Variants in NDST3 observed in about 807,000 individuals in gnomAD.
NDST3 encodes bifunctional heparan sulfate N-deacetylase/N-sulfotransferase 3.
In NDST3, 58 loss-of-function variants were observed where a neutral mutation model predicts 96.1. That is an observed-to-expected ratio of 0.60 (90% CI 0.49 to 0.75). NDST3 has a LOEUF of 0.75. NDST3 is among the 30% of genes least tolerant of loss of function. NDST3 has a pLI of 0.00. For synonymous variants in NDST3, 333 were observed against 359.7 expected (o/e 0.93, Z 0.84); for missense variants, 788 against 1,034.2 (o/e 0.76, Z 3.27).
chr4:118,054,189 A>T lies in NDST3; in HGVS notation c.279A>T (p.Gln93His), dbSNP rs773055511. Residue 93 changes from glutamine to histidine, a missense_variant, in exon 2 of 14, where the codon CAA (glutamine) becomes CAT (histidine). Physicochemically the swap from Gln to His is conservative, Grantham distance 24. Coordinates refer to ENST00000296499, the MANE Select transcript of NDST3 (RefSeq NM_004784.3). ...AGAGCCAGTACTCATCTCTTGGTCA[A>T]GACATCATTATGATTCTAGAATCAA... Reference protein sequence around the residue: ...FVESQYSSLGQDIIMILESSR... With the variant: ...FVESQYSSLGHDIIMILESSR... 1 of 1,613,156 alleles carries T rather than the reference A, an allele frequency of 6.2e-7. No individual in the cohort carries two copies.
At chr4:118,213,068 T>C (rs1738912234) in intron 6 of NDST3, among the ~76,000 whole-genome samples, 1 of 152,350 alleles carries the variant, frequency 6.6e-6, no homozygotes, top group Middle Eastern at 3.4e-3. Context: ...GGTTTCTTTT[T>C]CATCTGCAGT....
At chr4:118,220,015 T>C (rs1230428181) in intron 6 of NDST3, among the ~76,000 whole-genome samples, 1 of 152,026 alleles carries the variant, frequency 6.6e-6, no homozygotes, top group Non-Finnish European at 1.5e-5. Flanking sequence ...TTTACACTGT[T>C]GGTAGGAATG....
intron 2 of NDST3, among the ~76,000 whole-genome samples, chr4:118,077,690 C>G (rs902201059): frequency 6.6e-6 from 1 of 152,240 alleles, no homozygotes; most frequent in Non-Finnish European, 1.5e-5. Flanking sequence ...CATCTCATCT[C>G]TCTCAGTGAT....
intron 6 of NDST3, among the ~76,000 whole-genome samples, chr4:118,202,303 T>C (rs967022851): frequency 9.2e-5 from 14 of 152,236 alleles, no homozygotes; most frequent in Admixed American, 2.0e-4. Flanking sequence ...GCTTTGGCTA[T>C]TGGGGCTCTT....
chr4:118,088,419 C>T (rs1306968060), intron 2 of NDST3, among the ~76,000 whole-genome samples: 1 of 151,934 alleles, frequency 6.6e-6, no homozygotes. Flanking sequence ...TAATATGAAA[C>T]TCAAAATTAC....
chr4:118,143,511 TGG>T, intron 5 of NDST3, 43 bp from the exon 6 acceptor site: 1 of 1,257,240 alleles, frequency 8.0e-7, no homozygotes, highest in Non-Finnish European at 1.1e-6. Context: ...ACAAATTGAT[TGG>T]AAAAAAAAAA....
At chr4:118,142,816 A>G (rs1733665792) in intron 5 of NDST3, among the ~76,000 whole-genome samples, 2 of 152,316 alleles carry the variant, frequency 1.3e-5, no homozygotes, top group South Asian at 4.1e-4. Context: ...AAAAATTTGA[A>G]AAACCTTATC....
intron 2 of NDST3, among the ~76,000 whole-genome samples, chr4:118,070,759 T>C (rs1726995027): frequency 6.6e-6 from 1 of 151,876 alleles, no homozygotes; most frequent in Non-Finnish European, 1.5e-5. Context: ...TAACTTGTCA[T>C]TTACATTAGG....
intron 1 of NDST3, among the ~76,000 whole-genome samples, chr4:118,042,289 TG>T (rs1317134855): frequency 6.6e-6 from 1 of 152,170 alleles, no homozygotes; most frequent in African/African-American, 2.4e-5. Flanking sequence ...ACAGTAAGCA[TG>T]TTTTTTTTCT....
chr4:118,120,130 A>T (rs980197085), intron 4 of NDST3, among the ~76,000 whole-genome samples: 8 of 152,206 alleles, frequency 5.3e-5, no homozygotes, highest in African/African-American at 1.7e-4. Context: ...ATAAAAGTAA[A>T]CGTTTCTTCT....
At chr4:118,231,673 C>T (rs1459470294) in intron 8 of NDST3, among the ~76,000 whole-genome samples, 3 of 152,068 alleles carry the variant, frequency 2.0e-5, no homozygotes, top group African/African-American at 7.2e-5. Context: ...AAGTCCTGCT[C>T]CACAGATTGT....
intron 2 of NDST3, among the ~76,000 whole-genome samples, chr4:118,090,067 C>T (rs767896283): frequency 5.3e-5 from 8 of 151,922 alleles, no homozygotes; most frequent in Non-Finnish European, 1.0e-4. Context: ...TATCCATAGT[C>T]CATGGGGCAA....
chr4:118,235,376 G>A (rs1260938192), intron 9 of NDST3, among the ~76,000 whole-genome samples: 2 of 152,218 alleles, frequency 1.3e-5, no homozygotes, highest in East Asian at 3.9e-4. Flanking sequence ...GTAAGTGCCA[G>A]CAACTACACT....
chr4:118,142,850 A>G (rs1273537253), intron 5 of NDST3, among the ~76,000 whole-genome samples: 1 of 152,182 alleles, frequency 6.6e-6, no homozygotes, highest in Non-Finnish European at 1.5e-5. Flanking sequence ...ATTGAAGCAG[A>G]TAATACATAT....
chr4:118,034,126 CTCT>C (rs538218695), upstream of NDST3, among the ~76,000 whole-genome samples: 17 of 152,282 alleles, frequency 1.1e-4, no homozygotes, highest in African/African-American at 4.1e-4. Flanking sequence ...AACAAACAGC[CTCT>C]TGAGTGACTG....
chr4:118,081,643 C>A (rs796300070), intron 2 of NDST3, among the ~76,000 whole-genome samples: 1 of 152,106 alleles, frequency 6.6e-6, no homozygotes, highest in Non-Finnish European at 1.5e-5. Flanking sequence ...TTCCTGCCCC[C>A]CAGAGGATGA....
rs67248472 is a variant in NDST3 at position 118,101,368 on chromosome 4, G to GAA, written c.982-3637_982-3636dup. Reference sequence around the variant, plus strand: ...TCTTAGCTTTACAGAATGAAGACTTGAAAAAAAAAAAAAACTAAGTTAGTG... The same window carrying GAA: ...TCTTAGCTTTACAGAATGAAGACTTGAAAAAAAAAAAAAAAACTAAGTTAGTG... On this transcript the variant is annotated intron_variant, in intron 2 of 13. Coordinates refer to ENST00000296499, the MANE Select transcript of NDST3 (RefSeq NM_004784.3). Among the ~76,000 whole-genome samples, 553 of 141,284 alleles carry GAA rather than the reference G, an allele frequency of 3.9e-3. 3 individuals are homozygous for GAA. The highest frequency in any genetic ancestry group is 5.2e-3 in the Admixed American group (75 of 14,362). The allele number at this position is 141,284 out of a possible 152,430, so 92.7% of individuals were successfully genotyped here.
intron 6 of NDST3, chr4:118,194,283 C>T (rs539108106): frequency 1.4e-5 from 10 of 730,664 alleles, no homozygotes; most frequent in Admixed American, 8.8e-5. Flanking sequence ...TAGCCTTCAC[C>T]GCAAGTCTGT....
intron 3 of NDST3, among the ~76,000 whole-genome samples, chr4:118,108,771 G>C (rs1730408668): frequency 6.6e-6 from 1 of 152,108 alleles, no homozygotes; most frequent in South Asian, 2.1e-4. Context: ...CTACCAATTT[G>C]AAAATTGTGT....
Sources: gnomAD v4.1 joint callset for allele counts (sites outside exome capture counted in the v4.1 genomes callset) on GRCh38, gnomAD v4.1.1 for gene constraint, MANE v1.5 for transcripts, NCBI Gene and HGNC (gene_info 2026-07-23, HGNC 2026-07-21) for gene names.